The following SLC19A1 variants were observed in gnomAD, a reference collection of about 807,000 sequenced individuals.
The protein encoded by SLC19A1 is solute carrier family 19 member 1.
In SLC19A1, 37 loss-of-function variants were observed where a neutral mutation model predicts 35.3. The observed-to-expected ratio is 1.05, with a 90% CI of 0.81 to 1.38. The LOEUF (loss-of-function observed/expected upper bound fraction) is 1.38, where lower values mean the gene tolerates loss of function less well. Ranked by LOEUF, SLC19A1 falls within the 40% of genes most tolerant of loss-of-function variation. The pLI is 0.00. For synonymous variants in SLC19A1, 460 were observed against 398.5 expected, an observed-to-expected ratio of 1.15 and a Z score of -1.84; for missense variants, 831 against 826.9, an observed-to-expected ratio of 1.00 and a Z score of -0.06.
chr21:45,537,740 G>T, intron 2 of SLC19A1, 31 bp downstream of exon 2: 1 of 157,220 alleles, frequency 6.4e-6, no homozygotes. Flanking sequence ...CCACCCACAG[G>T]CGGCCGCCCG....
chr21:45,505,428 A>G, intron 3 of SLC19A1: 2 of 1,539,206 alleles, frequency 1.3e-6, no homozygotes, highest in South Asian at 1.1e-5. Context: ...GCGCCTCCTC[A>G]GGGGTAAGTG....
intron 1 of SLC19A1, among the ~76,000 whole-genome samples, chr21:45,539,040 C>T (rs531548222): frequency 2.1e-4 from 32 of 152,320 alleles, no homozygotes; most frequent in Admixed American, 2.0e-3. Context: ...CTTTCAGCTG[C>T]GGGGCAAAAG....
intron 3 of SLC19A1, chr21:45,505,283 G>A: frequency 1.2e-6 from 2 of 1,608,908 alleles, no homozygotes; most frequent in South Asian, 1.1e-5. Flanking sequence ...GGCAGAGTAA[G>A]TCAGTGGGGA....
At chr21:45,546,535 C>G (rs1325077870), upstream of SLC19A1, among the ~76,000 whole-genome samples, 2 of 152,242 alleles carry the variant, frequency 1.3e-5, no homozygotes, top group African/African-American at 4.8e-5. Flanking sequence ...CACTGAATCC[C>G]GATGCCCCCA....
Position 45,515,248 on chromosome 21 carries a change from G to A in SLC19A1, c.*410C>T, listed in dbSNP as rs534792709. The A allele has an allele frequency of 2.5e-4, 375 of 1,501,540 alleles. 5 individuals carry two copies. In the Middle Eastern group the frequency reaches 6.2e-3, roughly 25 times the overall value. The allele number at this position is 1,501,540 out of a possible 1,614,324, so 93.0% of individuals were successfully genotyped here. On this transcript the variant is annotated 3_prime_UTR_variant, in exon 6 of 6. Coordinates refer to ENST00000311124, the MANE Select transcript of SLC19A1 (RefSeq NM_194255.4). ...CAGCTCAGCTACACCTGAGGGTCCC[G>A]GCTCCCACCCTGCCCTAGAGGGCTC...
At chr21:45,525,395 G>A (rs2077573723) in intron 5 of SLC19A1, among the ~76,000 whole-genome samples, 1 of 152,252 alleles carries the variant, frequency 6.6e-6, no homozygotes, top group Non-Finnish European at 1.5e-5. Flanking sequence ...CGAGAGGTGG[G>A]AAAGGGGAGG....
rs1270361209 is a variant in SLC19A1 at position 45,531,404 on chromosome 21, C to A, written c.934G>T (p.Ala312Ser). The change falls in exon 3 of 6, where the codon GCC becomes TCC. Residue 312 changes from alanine to serine, a missense_variant. Coordinates refer to ENST00000311124, the MANE Select transcript of SLC19A1 (RefSeq NM_194255.4). ...ARVYNGAADA[A>S]STLLGAITSF... ...GCATGCGTACCCAGCAGCGTGGAGG[C>A]AGCATCTGCCGCGCCGTTGTAGACC... is the stretch of plus-strand genomic sequence containing the variant. The A allele has an allele frequency of 1.9e-6, 3 of 1,585,172 alleles. No homozygotes were observed. Among genetic ancestry groups the A allele is most frequent in the Non-Finnish European group, 2.6e-6 (3 of 1,164,370 alleles).
chr21:45,555,478 A>C (rs1297312593), intron 1 of SLC19A1, among the ~76,000 whole-genome samples: 3 of 106,072 alleles, frequency 2.8e-5, no homozygotes, highest in Non-Finnish European at 5.7e-5. Flanking sequence ...GGGGAAGGGG[A>C]ACCGGCTTGG....
In SLC19A1 at chr21:45,530,758, T is replaced by A. The variant is rs2077846797; in HGVS notation, c.1151+12A>T. On this transcript the variant is annotated intron_variant, in intron 4 of 5. Coordinates refer to ENST00000311124, the MANE Select transcript of SLC19A1 (RefSeq NM_194255.4). The surrounding 1 kb of genome is among the most constrained non-coding windows in gnomAD (Gnocchi z 5.3). Reference sequence around the variant, plus strand: ...CTGCCCGCCCCCGGCTTCCCACCCTTCTGGAACTCACGTGGCGATGGGCAC... The same window carrying A: ...CTGCCCGCCCCCGGCTTCCCACCCTACTGGAACTCACGTGGCGATGGGCAC... 6.4e-7 allele frequency: 1 copy of A among 1,550,758 alleles called. No individual in the cohort carries two copies. Among genetic ancestry groups the A allele is most frequent in the African/African-American group, 1.4e-5 (1 of 73,086 alleles).
chr21:45,531,673 G>A lies in SLC19A1; in HGVS notation c.665C>T (p.Thr222Ile), dbSNP rs540209920. 4 of 1,612,472 alleles carry A rather than the reference G, an allele frequency of 2.5e-6. No homozygotes were observed. In the South Asian group the frequency reaches 3.3e-5, roughly 13 times the overall value. Residue 222 changes from threonine to isoleucine, a missense_variant, in exon 3 of 6, where the codon ACC becomes ATC. Transcript: ENST00000311124. ...CATGCGCTCCAGCTCCGAAGCCGAG[G>A]TTTCGCACCGCCCCCGGTCGTCGCG... ...FNRDDRGRCE[T>I]SASELERMNP...
rs2077919049 is a variant in SLC19A1 at position 45,531,709 on chromosome 21, A to T, written c.629T>A (p.Leu210His). 1 of 1,612,702 alleles carries T rather than the reference A, an allele frequency of 6.2e-7. No individual in the cohort carries two copies. The highest frequency in any genetic ancestry group is 1.3e-5 in the African/African-American group (1 of 74,904). ...ALFLKRPKRS[L>H]FFNRDDRGRC... ...CCCCCGGTCGTCGCGGTTGAAGAAGAGGCTGCGCTTGGGGCGCTTCAGGAA... is the reference window on the plus strand; with the variant it reads ...CCCCCGGTCGTCGCGGTTGAAGAAGTGGCTGCGCTTGGGGCGCTTCAGGAA... Residue 210 changes from leucine (L) to histidine (H), a missense_variant, in exon 3 of 6, where the codon CTC becomes CAC. Physicochemically the swap from Leu to His is moderately conservative, Grantham distance 99. Transcript: ENST00000311124.
chr21:45,537,943 G>A lies in SLC19A1; in HGVS notation c.17C>T (p.Pro6Leu). 3 of 1,575,518 alleles carry A rather than the reference G, an allele frequency of 1.9e-6. No homozygotes were observed. The highest frequency in any genetic ancestry group is 2.3e-5 in the East Asian group (1 of 43,860). MVPSS[P>L]AVEKQVPVEP... ...CACGGGCACCTGCTTCTCCACCGCT[G>A]GGCTGGAGGGCACCATCCTGCTCAG... The change falls in exon 2 of 6, where the codon CCA becomes CTA. Residue 6 changes from proline to leucine, a missense_variant. Physicochemically the swap from Pro to Leu is moderately conservative, Grantham distance 98. Coordinates refer to ENST00000311124, the MANE Select transcript of SLC19A1 (RefSeq NM_194255.4).
chr21:45,519,384 G>A (rs1248465724), intron 5 of SLC19A1, among the ~76,000 whole-genome samples: 1 of 152,052 alleles, frequency 6.6e-6, no homozygotes, highest in Admixed American at 6.5e-5. Flanking sequence ...CCAACTGTAA[G>A]ACAGAGATTA....
chr21:45,557,989 A>G (rs1308806777), intron 1 of SLC19A1, among the ~76,000 whole-genome samples: 5 of 152,246 alleles, frequency 3.3e-5, no homozygotes, highest in African/African-American at 1.2e-4. Flanking sequence ...TTCGGAGGGC[A>G]TGACCAGGAG....
chr21:45,509,256 A>G (rs2037427994), downstream of SLC19A1: 2 of 1,483,640 alleles, frequency 1.3e-6, no homozygotes, highest in East Asian at 2.5e-5. Flanking sequence ...TTGCCAGTTC[A>G]GAGCCCAGCC....
At chr21:45,529,563 G>C (rs2077774359) in intron 4 of SLC19A1, among the ~76,000 whole-genome samples, 1 of 152,068 alleles carries the variant, frequency 6.6e-6, no homozygotes, top group Admixed American at 6.5e-5. Context: ...TGAGTATGTG[G>C]TGGGAGTGTG....
At chr21:45,516,213 T>C in intron 5 of SLC19A1, 73 bp from the exon 6 acceptor site, 1 of 1,221,032 alleles carries the variant, frequency 8.2e-7, no homozygotes, top group Non-Finnish European at 1.2e-6. Context: ...CCCCGACGCC[T>C]GCTCCCAGGC....
At position 45,515,695 on chromosome 21, in the gene SLC19A1, C is replaced by T. The variant is rs755649088; in HGVS notation, c.1739G>A (p.Cys580Tyr). Residue 580 changes from cysteine to tyrosine, a missense_variant, in exon 6 of 6, where the codon TGT becomes TAT. Coordinates refer to ENST00000311124, the MANE Select transcript of SLC19A1 (RefSeq NM_194255.4). ...PPGVSKLGLQ[C>Y]LPSDGVQNVN... ...ATTCTGAACACCGTCGCTTGGAAGA[C>T]ACTGCAAACCCAGCTTGCTGACACC... 3 of 1,613,796 alleles carry T rather than the reference C, an allele frequency of 1.9e-6. No homozygotes were observed. Among genetic ancestry groups the T allele is most frequent in the Non-Finnish European group, 2.5e-6 (3 of 1,180,018 alleles).
downstream of SLC19A1, chr21:45,512,217 AC>A (rs2037653611): frequency 6.2e-7 from 1 of 1,612,032 alleles, no homozygotes; most frequent in Admixed American, 1.7e-5. Flanking sequence ...CATGGCTCGG[AC>A]CCCAACGGGC....
Sources: gnomAD v4.1 joint callset for allele counts (sites outside exome capture counted in the v4.1 genomes callset) on GRCh38, gnomAD v4.1.1 for gene constraint, Gnocchi (gnomAD v3.1) non-coding constraint, MANE v1.5 for transcripts, NCBI Gene and HGNC (gene_info 2026-07-23, HGNC 2026-07-21) for gene names.